The following TENM2 variants were observed in gnomAD, a reference collection of about 807,000 sequenced individuals.
TENM2 encodes teneurin transmembrane protein 2.
In TENM2, 52 loss-of-function variants were observed where a neutral mutation model predicts 245.2. The ratio of observed to expected loss-of-function variants is 0.21; its 90% CI spans 0.17 to 0.27. The LOEUF (loss-of-function observed/expected upper bound fraction) is 0.27. TENM2 is among the 10% of genes least tolerant of loss of function. TENM2 has a pLI of 1.00. For synonymous variants in TENM2, 1,363 were observed against 1,438.9 expected, an observed-to-expected ratio of 0.95 and a Z score of 1.19; for missense variants, 3,046 against 3,666.8, an observed-to-expected ratio of 0.83 and a Z score of 4.37.
At chr5:167,749,464 C>G (rs899022259) in intron 2 of TENM2, among the ~76,000 whole-genome samples, 1 of 151,922 alleles carries the variant, frequency 6.6e-6, no homozygotes, top group African/African-American at 2.4e-5. Context: ...TTGATGAAAC[C>G]CTGCCTCTAC....
At chr5:167,973,263 C>T (rs1254964091) in intron 4 of TENM2, among the ~76,000 whole-genome samples, 1 of 152,168 alleles carries the variant, frequency 6.6e-6, no homozygotes, top group Non-Finnish European at 1.5e-5. Context: ...CAGTAAGAGG[C>T]CCTCAGGCCA....
intron 12 of TENM2, among the ~76,000 whole-genome samples, chr5:168,132,382 AT>A (rs989508478): frequency 1.3e-5 from 2 of 152,164 alleles, no homozygotes. Flanking sequence ...AGATGGAAGC[AT>A]TTTTTTGTAT....
chr5:167,790,619 A>C lies in TENM2; in HGVS notation c.503-85367A>C, dbSNP rs138084276. 5.3e-3 allele frequency among the ~76,000 whole-genome samples: 812 copies of C among 152,318 alleles called. 4 individuals carry two copies. Among genetic ancestry groups the C allele is most frequent in the Non-Finnish European group, 9.3e-3 (634 of 68,026 alleles). ...CAGGGAACTGTTCTCGTCACCCCTC[A>C]GTCCCAGAGGTGCCTCCGCCATCTT... On this transcript the variant is annotated intron_variant, in intron 2 of 28. Transcript: ENST00000518659.
intron 2 of TENM2, among the ~76,000 whole-genome samples, chr5:167,375,913 C>A (rs889200669): frequency 1.3e-5 from 2 of 152,136 alleles, no homozygotes; most frequent in Non-Finnish European, 2.9e-5. Flanking sequence ...TTCCAGGCGG[C>A]AATGCCTCAT....
chr5:167,746,876 C>G (rs1225388557), intron 2 of TENM2, among the ~76,000 whole-genome samples: 1 of 152,108 alleles, frequency 6.6e-6, no homozygotes, highest in East Asian at 1.9e-4. Flanking sequence ...TTCCTGGAAG[C>G]TTATAGACAT....
At chr5:167,629,372 T>C (rs1778718603) in intron 2 of TENM2, among the ~76,000 whole-genome samples, 1 of 152,254 alleles carries the variant, frequency 6.6e-6, no homozygotes, top group South Asian at 2.1e-4. Flanking sequence ...TAATCCATGA[T>C]AAACTACTTG....
intron 7 of TENM2, chr5:168,085,431 T>C (rs937951635): frequency 6.6e-6 from 1 of 152,156 alleles, no homozygotes; most frequent in African/African-American, 2.4e-5. Context: ...CTGTTTCCTG[T>C]CCGGAAGCTC....
At chr5:167,978,718 G>A (rs1380088637) in intron 4 of TENM2, among the ~76,000 whole-genome samples, 2 of 152,172 alleles carry the variant, frequency 1.3e-5, no homozygotes, top group East Asian at 3.9e-4. Flanking sequence ...CTTAAATAGA[G>A]GCAGAATTTA....
chr5:167,705,311 A>G (rs1338211832), intron 2 of TENM2, among the ~76,000 whole-genome samples: 2 of 152,162 alleles, frequency 1.3e-5, no homozygotes, highest in Non-Finnish European at 2.9e-5. Flanking sequence ...ATGAGCAAAT[A>G]TTTAAGGAAA....
intron 13 of TENM2, among the ~76,000 whole-genome samples, chr5:168,167,357 CCTTA>C (rs1758395845): frequency 2.0e-5 from 3 of 152,070 alleles, no homozygotes; most frequent in Non-Finnish European, 4.4e-5. Context: ...GTGAGACAGT[CCTTA>C]CTTCTTCCCC....
chr5:168,057,602 TCTTGA>T (rs1397486081), intron 6 of TENM2, among the ~76,000 whole-genome samples: 2 of 152,210 alleles, frequency 1.3e-5, no homozygotes, highest in African/African-American at 4.8e-5. Flanking sequence ...TGACTAGGAC[TCTTGA>T]CTTTTGGTTC....
chr5:167,377,962 T>C (rs571556334), intron 2 of TENM2, among the ~76,000 whole-genome samples: 1 of 152,278 alleles, frequency 6.6e-6, no homozygotes, highest in Admixed American at 6.5e-5. Context: ...AACAGGAATC[T>C]ATACTTTGAG....
intron 2 of TENM2, among the ~76,000 whole-genome samples, chr5:167,550,276 G>A (rs927316971): frequency 1.3e-5 from 2 of 152,122 alleles, no homozygotes; most frequent in African/African-American, 2.4e-5. Flanking sequence ...CTGCTGGTTC[G>A]CTGTACTACT....
chr5:168,198,518 C>G (rs764150653), intron 15 of TENM2, among the ~76,000 whole-genome samples: 9 of 152,142 alleles, frequency 5.9e-5, no homozygotes, highest in Non-Finnish European at 4.4e-5. Flanking sequence ...TTTACCAAAA[C>G]AGGTGGTGGG....
intron 4 of TENM2, among the ~76,000 whole-genome samples, chr5:167,955,386 G>A (rs1780469132): frequency 6.6e-6 from 1 of 152,102 alleles, no homozygotes; most frequent in African/African-American, 2.4e-5. Flanking sequence ...CAGATGGATA[G>A]ATGGCAAAAA....
At chr5:167,194,406 A>G in the TENM2 span, among the ~76,000 whole-genome samples, 2 of 152,032 alleles carry the variant, frequency 1.3e-5, no homozygotes, top group East Asian at 1.9e-4. Flanking sequence ...TAATGAACAC[A>G]TGAGCCAGTT....
chr5:167,084,366 T>TATATATATATATATATAC, the TENM2 span, among the ~76,000 whole-genome samples: 23 of 114,880 alleles, frequency 2.0e-4, 1 homozygote, highest in Admixed American at 1.3e-3. Context: ...TATATATATA[T>TATATATATATATATATAC]ACAGATCAGA....
intron 2 of TENM2, among the ~76,000 whole-genome samples, chr5:167,724,525 G>A (rs771360618): frequency 2.0e-5 from 3 of 152,136 alleles, no homozygotes; most frequent in Non-Finnish European, 2.9e-5. Context: ...ATTGGGTGGA[G>A]GGAAGGAGGG....
At chr5:167,083,670 A>T in the TENM2 span, among the ~76,000 whole-genome samples, 2 of 152,184 alleles carry the variant, frequency 1.3e-5, no homozygotes, top group Non-Finnish European at 2.9e-5. Context: ...TCCAATGCGC[A>T]CATGGATATC....
Sources: allele counts gnomAD v4.1 joint callset (sites outside exome capture counted in the v4.1 genomes callset), GRCh38; gene constraint gnomAD v4.1.1; transcripts MANE v1.5; gene names NCBI Gene and HGNC (gene_info 2026-07-23, HGNC 2026-07-21).